TRPC4: variants seen among roughly 807,000 people sequenced by gnomAD.
The protein encoded by TRPC4 is short transient receptor potential channel 4.
TRPC4 carries 49 observed loss-of-function variants against 99.4 expected under a neutral mutation model. The observed-to-expected ratio is 0.49, with a 90% CI of 0.39 to 0.63. The LOEUF (loss-of-function observed/expected upper bound fraction) is 0.63, where lower values mean the gene tolerates loss of function less well. Ranked by LOEUF, TRPC4 falls within the 20% of genes least tolerant of loss-of-function variation. The pLI, the probability that TRPC4 is intolerant of heterozygous loss-of-function variation, is 0.00. For synonymous variants in TRPC4, 454 were observed against 425.9 expected (o/e 1.07, Z -0.81); for missense variants, 898 against 1,152.9 (o/e 0.78, Z 3.20).
chr13:37,759,177 G>C (rs191448124), intron 2 of TRPC4, among the ~76,000 whole-genome samples: 3 of 151,746 alleles, frequency 2.0e-5, no homozygotes. Context: ...TTATTTATTT[G>C]AAAAAGCAGT....
At chr13:37,672,828 G>A (rs1308795473) in intron 5 of TRPC4, among the ~76,000 whole-genome samples, 1 of 152,116 alleles carries the variant, frequency 6.6e-6, no homozygotes, top group African/African-American at 2.4e-5. Flanking sequence ...ACCAAATTAT[G>A]TTTTCATTTT....
intron 2 of TRPC4, among the ~76,000 whole-genome samples, chr13:37,757,783 C>T (rs36004312): frequency 2.0e-3 from 311 of 151,954 alleles, no homozygotes; most frequent in Non-Finnish European, 4.1e-3. Flanking sequence ...GAGGCATAAA[C>T]AACCAGAGAA....
chr13:37,812,589 C>T (rs964933321), intron 1 of TRPC4, among the ~76,000 whole-genome samples: 1 of 151,776 alleles, frequency 6.6e-6, no homozygotes, highest in Non-Finnish European at 1.5e-5. Context: ...CCAAATGGAA[C>T]ACATGAAGAG....
chr13:37,793,771 T>A (rs1427689296), intron 1 of TRPC4, among the ~76,000 whole-genome samples: 1 of 152,086 alleles, frequency 6.6e-6, no homozygotes, highest in African/African-American at 2.4e-5. Context: ...TCTTCATAAA[T>A]TGCTGGTGGT....
intron 1 of TRPC4, among the ~76,000 whole-genome samples, chr13:37,838,214 C>T (rs1958622697): frequency 6.6e-6 from 1 of 152,142 alleles, no homozygotes; most frequent in South Asian, 2.1e-4. Context: ...AATACTGCAA[C>T]ATTAAAATAG....
At chr13:37,692,427 G>T in intron 3 of TRPC4, 92 bp from the exon 4 acceptor site, 1 of 1,150,664 alleles carries the variant, frequency 8.7e-7, no homozygotes, top group Non-Finnish European at 1.2e-6. Flanking sequence ...GATCTTTAAA[G>T]ACAGAAATTC....
At chr13:37,723,680 C>T (rs1043579942) in intron 3 of TRPC4, among the ~76,000 whole-genome samples, 1 of 152,112 alleles carries the variant, frequency 6.6e-6, no homozygotes. Flanking sequence ...TTCTGAGTAG[C>T]TGGAACTACA....
At chr13:37,713,605 C>G (rs1046564990) in intron 3 of TRPC4, among the ~76,000 whole-genome samples, 1 of 152,044 alleles carries the variant, frequency 6.6e-6, no homozygotes, top group African/African-American at 2.4e-5. Context: ...ACTAAAAGAA[C>G]GTTTCAGTCT....
chr13:37,771,492 ACTAT>A (rs973833274), intron 2 of TRPC4, among the ~76,000 whole-genome samples: 2 of 151,662 alleles, frequency 1.3e-5, no homozygotes, highest in Non-Finnish European at 2.9e-5. Context: ...AACCTAAGAA[ACTAT>A]CTATGATTTT....
At position 37,634,140 on chromosome 13, in the gene TRPC4, G is replaced by C. The variant is rs536164732; in HGVS notation, c.*2763C>G. Among the ~76,000 whole-genome samples the C allele has an allele frequency of 2.0e-5, 3 of 152,056 alleles. No homozygotes were observed. The highest frequency in any genetic ancestry group is 6.6e-5 in the Admixed American group (1 of 15,240). On this transcript the variant is annotated 3_prime_UTR_variant, in exon 11 of 11. Coordinates refer to ENST00000379705, the MANE Select transcript of TRPC4 (RefSeq NM_016179.4). ...GAGAAACATTATTTATGTAAATGAAGGTAATTTCAAAGTTCTCTGTAGCAT... is the reference window on the plus strand; with the variant it reads ...GAGAAACATTATTTATGTAAATGAACGTAATTTCAAAGTTCTCTGTAGCAT...
intron 3 of TRPC4, among the ~76,000 whole-genome samples, chr13:37,700,798 G>T (rs998422431): frequency 8.6e-5 from 13 of 151,992 alleles, no homozygotes; most frequent in African/African-American, 3.1e-4. Context: ...AATGTGTTAG[G>T]TCCTATAAGC....
chr13:37,721,925 C>A (rs1375834117), intron 3 of TRPC4, among the ~76,000 whole-genome samples: 1 of 152,046 alleles, frequency 6.6e-6, no homozygotes, highest in Non-Finnish European at 1.5e-5. Context: ...GTGTGAGCCA[C>A]CACACCTGTG....
rs550708529 is a variant in TRPC4 at position 37,737,012 on chromosome 13, T to G, written c.897+8925A>C. Among the ~76,000 whole-genome samples the G allele has an allele frequency of 2.0e-5, 3 of 151,434 alleles. 1 individual carries two copies. In the East Asian group the frequency reaches 5.9e-4, roughly 30 times the overall value. ...CCTCCCAAAGTGCTGGGATTACAGA[T>G]GTAAGCCAGCACGCCCAGCCAACTT... On this transcript the variant is annotated intron_variant, in intron 3 of 10. Coordinates refer to ENST00000379705, the MANE Select transcript of TRPC4 (RefSeq NM_016179.4).
chr13:37,815,764 G>T (rs2139502229), intron 1 of TRPC4, among the ~76,000 whole-genome samples: 1 of 151,870 alleles, frequency 6.6e-6, no homozygotes, highest in African/African-American at 2.4e-5. Context: ...TGATCAAACA[G>T]GCCTGACAAA....
intron 3 of TRPC4, among the ~76,000 whole-genome samples, chr13:37,736,425 C>T (rs1158420969): frequency 1.3e-5 from 2 of 152,140 alleles, no homozygotes; most frequent in African/African-American, 4.8e-5. Context: ...CAATTCACAT[C>T]GCTCAGTGTA....
At chr13:37,788,532 G>A (rs17056656) in intron 1 of TRPC4, among the ~76,000 whole-genome samples, 2,812 of 152,128 alleles carry the variant, frequency 0.018, 93 homozygotes, top group African/African-American at 0.064. Flanking sequence ...CAAGCCTGCT[G>A]AAATGAAACT....
intron 1 of TRPC4, among the ~76,000 whole-genome samples, chr13:37,813,781 T>G (rs370404189): frequency 6.6e-6 from 1 of 151,838 alleles, no homozygotes; most frequent in Admixed American, 6.6e-5. Flanking sequence ...TTCTACCAAA[T>G]GTTTCAATCA....
At chr13:37,670,504 G>T (rs1952803367) in intron 5 of TRPC4, among the ~76,000 whole-genome samples, 1 of 152,144 alleles carries the variant, frequency 6.6e-6, no homozygotes, top group African/African-American at 2.4e-5. Context: ...TGAAGCAAAA[G>T]AGGTGAATCT....
chr13:37,651,202 A>T (rs758219033), intron 8 of TRPC4, 63 bp downstream of exon 8: 1 of 1,580,152 alleles, frequency 6.3e-7, no homozygotes, highest in South Asian at 1.1e-5. Context: ...TACAATAAAG[A>T]ATACAAATAT....
Sources: allele counts gnomAD v4.1 joint callset (sites outside exome capture counted in the v4.1 genomes callset), GRCh38; gene constraint gnomAD v4.1.1; transcripts MANE v1.5; gene names NCBI Gene and HGNC (gene_info 2026-07-23, HGNC 2026-07-21).